Variants in TASP1 observed in about 807,000 individuals in gnomAD.
TASP1 encodes the protein taspase 1, also known as threonine aspartase 1.
Under a neutral mutation model 56.6 loss-of-function variants are expected in TASP1, and 16 were observed. The ratio of observed to expected loss-of-function variants is 0.28; its 90% CI spans 0.19 to 0.43. The LOEUF (loss-of-function observed/expected upper bound fraction) is 0.43, where lower values mean the gene tolerates loss of function less well. TASP1 is among the 20% of genes least tolerant of loss of function. The pLI is 1.00. For missense variants in TASP1, 393 were observed against 511.6 expected (o/e 0.77, Z 2.24); for synonymous variants, 179 against 184.2 (o/e 0.97, Z 0.23).
the TASP1 span, chr20:13,168,364 G>A: frequency 2.6e-5 from 4 of 152,036 alleles, no homozygotes; most frequent in African/African-American, 7.2e-5. Flanking sequence ...TCTATTTTTA[G>A]TAGAGACAAG....
At chr20:13,155,822 T>A in the TASP1 span, among the ~76,000 whole-genome samples, 1 of 152,134 alleles carries the variant, frequency 6.6e-6, no homozygotes, top group Admixed American at 6.5e-5. Flanking sequence ...CAAGACTCCG[T>A]CTAAAAAAAT....
At chr20:13,162,599 G>T in the TASP1 span, among the ~76,000 whole-genome samples, 4 of 152,088 alleles carry the variant, frequency 2.6e-5, no homozygotes, top group African/African-American at 9.7e-5. Flanking sequence ...TGCACTCTGC[G>T]ACCACATTTG....
At chr20:13,234,037 T>C in the TASP1 span, among the ~76,000 whole-genome samples, 2 of 152,312 alleles carry the variant, frequency 1.3e-5, no homozygotes, top group South Asian at 2.1e-4. Flanking sequence ...TGTGTAGTAG[T>C]GAAGTCTGGG....
chr20:13,494,024 T>C (rs2043634385), intron 10 of TASP1, among the ~76,000 whole-genome samples: 1 of 152,186 alleles, frequency 6.6e-6, no homozygotes. Context: ...ATCACTATAT[T>C]GTATTTATCT....
chr20:13,183,691 G>A, the TASP1 span, among the ~76,000 whole-genome samples: 1 of 152,060 alleles, frequency 6.6e-6, no homozygotes, highest in African/African-American at 2.4e-5. Context: ...AATGAACAAT[G>A]GCAGATTATC....
At chr20:13,350,001 A>G in the TASP1 span, among the ~76,000 whole-genome samples, 23,686 of 152,154 alleles carry the variant, frequency 0.16, 2,420 homozygotes, top group South Asian at 0.36. Context: ...AAATTTAAAC[A>G]TTAGCCAGGT....
intron 5 of TASP1, among the ~76,000 whole-genome samples, chr20:13,582,328 C>T (rs1037114335): frequency 1.4e-4 from 21 of 151,518 alleles, no homozygotes; most frequent in South Asian, 6.3e-4. Flanking sequence ...AAATGTATAA[C>T]TTATAACTTA....
intron 8 of TASP1, among the ~76,000 whole-genome samples, chr20:13,551,985 C>A (rs139877901): frequency 2.8e-4 from 42 of 152,252 alleles, no homozygotes; most frequent in African/African-American, 9.6e-4. Flanking sequence ...ACATGCTGAA[C>A]TTTACTGTGT....
chr20:13,241,310 G>A, the TASP1 span, among the ~76,000 whole-genome samples: 3 of 152,150 alleles, frequency 2.0e-5, no homozygotes, highest in Admixed American at 2.0e-4. Flanking sequence ...TATAAAAAGG[G>A]GAGATATATG....
At chr20:13,210,936 G>A in the TASP1 span, among the ~76,000 whole-genome samples, 1 of 152,092 alleles carries the variant, frequency 6.6e-6, no homozygotes, top group Non-Finnish European at 1.5e-5. Context: ...AATGAGTCAG[G>A]ATTGGTATAG....
chr20:13,107,288 G>C, the TASP1 span, among the ~76,000 whole-genome samples: 2 of 151,396 alleles, frequency 1.3e-5, no homozygotes, highest in African/African-American at 4.9e-5. Context: ...AGATTAATGA[G>C]AAAATAGAAA....
chr20:13,576,388 A>AGAAAGAAG (rs1362911020), intron 6 of TASP1, among the ~76,000 whole-genome samples: 1 of 149,954 alleles, frequency 6.7e-6, no homozygotes, highest in East Asian at 1.9e-4. Flanking sequence ...AAAGAAAGAA[A>AGAAAGAAG]GAAAGAAAGT....
the TASP1 span, among the ~76,000 whole-genome samples, chr20:13,380,837 C>A: frequency 1.3e-5 from 2 of 152,184 alleles, no homozygotes; most frequent in East Asian, 1.9e-4. Flanking sequence ...GCGGTGGACC[C>A]TGCCCAGTTC....
chr20:13,358,305 T>C, the TASP1 span, among the ~76,000 whole-genome samples: 1 of 152,242 alleles, frequency 6.6e-6, no homozygotes, highest in African/African-American at 2.4e-5. Flanking sequence ...GCCTGTTTGG[T>C]GGTCTCTTCA....
intron 12 of TASP1, among the ~76,000 whole-genome samples, chr20:13,429,113 C>T (rs1023675152): frequency 2.6e-5 from 4 of 152,258 alleles, no homozygotes; most frequent in East Asian, 1.9e-4. Flanking sequence ...TCTCAAATAA[C>T]TGAGTTCAGA....
chr20:13,214,915 T>C, the TASP1 span, among the ~76,000 whole-genome samples: 1 of 152,204 alleles, frequency 6.6e-6, no homozygotes, highest in Non-Finnish European at 1.5e-5. Flanking sequence ...GAGTATATAC[T>C]GTAAAATTCA....
At chr20:13,561,441 C>CT (rs2046340013) in intron 7 of TASP1, among the ~76,000 whole-genome samples, 1 of 152,160 alleles carries the variant, frequency 6.6e-6, no homozygotes, top group African/African-American at 2.4e-5. Context: ...TCTGGACTCA[C>CT]TACAACCCCT....
At chr20:13,342,523 G>A in the TASP1 span, among the ~76,000 whole-genome samples, 1 of 152,164 alleles carries the variant, frequency 6.6e-6, no homozygotes, top group African/African-American at 2.4e-5. Context: ...TTAGGTGCCT[G>A]GAGCTACCAG....
the TASP1 span, among the ~76,000 whole-genome samples, chr20:13,105,311 T>C: frequency 1.3e-5 from 2 of 152,062 alleles, no homozygotes; most frequent in African/African-American, 4.8e-5. Context: ...TCAAGAATCC[T>C]GGTGTGTTGA....
Sources: gnomAD v4.1 joint callset for allele counts (sites outside exome capture counted in the v4.1 genomes callset) on GRCh38, gnomAD v4.1.1 for gene constraint, MANE v1.5 for transcripts, NCBI Gene and HGNC (gene_info 2026-07-23, HGNC 2026-07-21) for gene names.